Variants in METTL15 observed in about 807,000 individuals in gnomAD.
METTL15 encodes the protein methyltransferase 15, mitochondrial 12S rRNA N4-cytidine.
Under a neutral mutation model 38.3 loss-of-function variants are expected in METTL15, and 34 were observed. That is an observed-to-expected ratio of 0.89 (90% confidence interval 0.68 to 1.18). METTL15 has a LOEUF of 1.18. Ranked by LOEUF, METTL15 falls within the 50% of genes most tolerant of loss-of-function variation. The probability of loss-of-function intolerance (pLI) is 0.00; values close to 1 mark genes in which losing one functional copy is unlikely to be tolerated. For synonymous variants in METTL15, 162 were observed against 170.9 expected, an observed-to-expected ratio of 0.95 and a Z score of 0.41; for missense variants, 438 against 498.4, an observed-to-expected ratio of 0.88 and a Z score of 1.15.
At chr11:28,276,412 A>C (rs1855844560) in intron 4 of METTL15, among the ~76,000 whole-genome samples, 1 of 152,154 alleles carries the variant, frequency 6.6e-6, no homozygotes. Context: ...CTATAAGAAA[A>C]ACTACAAAAC....
intron 5 of METTL15, among the ~76,000 whole-genome samples, chr11:28,421,212 A>G (rs1850817364): frequency 6.6e-6 from 1 of 152,012 alleles, no homozygotes; most frequent in Non-Finnish European, 1.5e-5. Flanking sequence ...GATCAAGACC[A>G]TAATAAAAAA....
At chr11:28,281,439 GA>G (rs1856052267) in intron 4 of METTL15, among the ~76,000 whole-genome samples, 2 of 152,120 alleles carry the variant, frequency 1.3e-5, no homozygotes, top group South Asian at 4.1e-4. Context: ...GCCATTAGTG[GA>G]ATACCTGCTC....
intron 4 of METTL15, among the ~76,000 whole-genome samples, chr11:28,242,931 A>C (rs1285719392): frequency 1.3e-5 from 2 of 152,152 alleles, no homozygotes; most frequent in East Asian, 3.9e-4. Context: ...TGATGATATA[A>C]GTGTCCGTCA....
At chr11:28,201,948 G>A (rs1852132224) in intron 3 of METTL15, among the ~76,000 whole-genome samples, 1 of 152,096 alleles carries the variant, frequency 6.6e-6, no homozygotes, top group African/African-American at 2.4e-5. Context: ...TTTGAGAGTA[G>A]TGGGAGATAA....
downstream of METTL15, among the ~76,000 whole-genome samples, chr11:28,527,510 A>G (rs1055454180): frequency 2.6e-5 from 4 of 152,232 alleles, no homozygotes; most frequent in African/African-American, 9.6e-5. Flanking sequence ...TTCAATGGAC[A>G]TCAAAACCAG....
At chr11:28,351,996 A>G (rs7949704) in intron 3 of METTL15, 37,693 of 152,140 alleles carry the variant, frequency 0.25, 4,893 homozygotes, top group African/African-American at 0.29. Flanking sequence ...AGAAAAAAAA[A>G]TTGTGAGGCA....
intron 4 of METTL15, among the ~76,000 whole-genome samples, chr11:28,285,868 A>G (rs1856241114): frequency 6.6e-6 from 1 of 152,096 alleles, no homozygotes; most frequent in Non-Finnish European, 1.5e-5. Context: ...CCCAGGAAGT[A>G]TCTCTTGTAT....
In METTL15 at chr11:28,132,823, C is replaced by T. The variant is rs565462756; in HGVS notation, c.270+19219C>T. ...ATTTCAAAATCTTCTATTTTCCCCA[C>T]TGCATTATATTATAATCTTAGTATG... On this transcript the variant is annotated intron_variant, in intron 3 of 6. Transcript: ENST00000407364. 2.0e-5 allele frequency among the ~76,000 whole-genome samples: 3 copies of T among 152,256 alleles called. No individual in the cohort carries two copies. The South Asian group carries it at 6.2e-4, about 32-fold the overall frequency.
At position 28,339,301 on chromosome 11, in the gene METTL15, A is replaced by G. The variant is rs560609238; in HGVS notation, c.*190-12789A>G. Reference sequence around the variant, plus strand: ...TTAAAAGATGAAGAATACATATAATAAAAAAGATACCCATGAGGGATTCAC... The same window carrying G: ...TTAAAAGATGAAGAATACATATAATGAAAAAGATACCCATGAGGGATTCAC... On this transcript the variant is annotated intron_variant and NMD_transcript_variant, in intron 3 of 7. Transcript: ENST00000532947. Among the ~76,000 whole-genome samples the G allele has an allele frequency of 3.3e-5, 5 of 152,208 alleles. No individual in the cohort carries two copies. The South Asian group carries it at 1.0e-3, about 32-fold the overall frequency.
At chr11:28,344,858 T>A (rs1849983268) in intron 3 of METTL15, among the ~76,000 whole-genome samples, 1 of 152,236 alleles carries the variant, frequency 6.6e-6, no homozygotes. Flanking sequence ...TAATTATACA[T>A]GTTTGAGAAG....
downstream of METTL15, among the ~76,000 whole-genome samples, chr11:28,338,491 G>T (rs1015141795): frequency 6.6e-6 from 1 of 151,884 alleles, no homozygotes; most frequent in African/African-American, 2.4e-5. Flanking sequence ...AAATCAGTTT[G>T]TCTCTCTAAC....
chr11:28,493,594 G>A lies in METTL15; in HGVS notation c.*425-32884G>A, dbSNP rs541938090. Among the ~76,000 whole-genome samples the A allele has an allele frequency of 5.2e-4, 79 of 152,190 alleles. 3 individuals are homozygous for A. The South Asian group carries it at 0.016, about 32-fold the overall frequency. ...TCCCATGTTAGTACAGTAAACACTG[G>A]GCTTTCATTACCTTGTTTTGAAAAA... On this transcript the variant is annotated intron_variant and NMD_transcript_variant, in intron 6 of 7. Transcript: ENST00000532947.
chr11:28,234,522 T>C (rs1853849015), intron 4 of METTL15, among the ~76,000 whole-genome samples: 1 of 151,604 alleles, frequency 6.6e-6, no homozygotes, highest in Admixed American at 6.6e-5. Flanking sequence ...TGGTATCTCA[T>C]TGTGGTTTTG....
Position 28,512,141 on chromosome 11 carries a change from C to T in METTL15, c.*425-14337C>T, listed in dbSNP as rs185177384. On this transcript the variant is annotated intron_variant and NMD_transcript_variant, in intron 6 of 7. Coordinates refer to the METTL15 transcript ENST00000532947. ...CTAGATTATCTAGATATGGAGTGTCCACACAAAGGTTCTCCAAGTCCCCAC... is the reference window on the plus strand; with the variant it reads ...CTAGATTATCTAGATATGGAGTGTCTACACAAAGGTTCTCCAAGTCCCCAC... 4.6e-3 allele frequency among the ~76,000 whole-genome samples: 694 copies of T among 152,164 alleles called. 5 individuals carry two copies. Among genetic ancestry groups the T allele is most frequent in the African/African-American group, 0.015 (639 of 41,524 alleles).
intron 3 of METTL15, chr11:28,197,588 A>AG: frequency 2.5e-6 from 1 of 401,068 alleles, no homozygotes; most frequent in Non-Finnish European, 5.2e-6. Flanking sequence ...CTGGTGGTAT[A>AG]GTATGGCCTT....
chr11:28,216,710 C>T (rs1181477170), intron 4 of METTL15, among the ~76,000 whole-genome samples: 1 of 109,080 alleles, frequency 9.2e-6, no homozygotes, highest in East Asian at 3.4e-4. Flanking sequence ...ATCCCTCCCC[C>T]CTCCCCCCAC....
At position 28,251,507 on chromosome 11, in the gene METTL15, G is replaced by A. The variant is rs563059222; in HGVS notation, c.408-38699G>A. Among the ~76,000 whole-genome samples the A allele has an allele frequency of 9.9e-5, 15 of 152,132 alleles. No individual in the cohort carries two copies. The East Asian group carries it at 2.9e-3, about 29-fold the overall frequency. The stretch of plus-strand genomic sequence containing the variant: ...ATTAGTCGTTACTGCAGGGCTCTGA[G>A]ATTTTCATGCCATCCGGAATGAATA... On this transcript the variant is annotated intron_variant, in intron 4 of 6. Transcript: ENST00000407364.
chr11:28,199,650 A>G (rs1303839886), intron 3 of METTL15, among the ~76,000 whole-genome samples: 1 of 151,956 alleles, frequency 6.6e-6, no homozygotes, highest in Non-Finnish European at 1.5e-5. Context: ...TTGTGCTATC[A>G]TGTTTTTTGA....
chr11:28,362,619 A>C (rs995398560), intron 5 of METTL15, among the ~76,000 whole-genome samples: 4 of 152,256 alleles, frequency 2.6e-5, no homozygotes, highest in Non-Finnish European at 5.9e-5. Flanking sequence ...TAGGTCACTT[A>C]GAATAATGAA....
Sources: allele counts gnomAD v4.1 joint callset (sites outside exome capture counted in the v4.1 genomes callset), GRCh38; gene constraint gnomAD v4.1.1; transcripts MANE v1.5; gene names NCBI Gene and HGNC (gene_info 2026-07-23, HGNC 2026-07-21).